TEX9: variants seen among roughly 807,000 people sequenced by gnomAD.
TEX9 encodes the protein testis-expressed protein 9.
Under a neutral mutation model 59.6 loss-of-function variants are expected in TEX9, and 74 were observed. That is an observed-to-expected ratio of 1.24 (90% confidence interval 1.03 to 1.51). The LOEUF (loss-of-function observed/expected upper bound fraction) is 1.51. Ranked by LOEUF, TEX9 falls within the 40% of genes most tolerant of loss-of-function variation. TEX9 has a pLI of 0.00. For synonymous variants in TEX9, 186 were observed against 152.2 expected, an observed-to-expected ratio of 1.22 and a Z score of -1.64; for missense variants, 522 against 447.8, an observed-to-expected ratio of 1.17 and a Z score of -1.49.
chr15:56,422,420 T>C (rs35361016), intron 10 of TEX9, among the ~76,000 whole-genome samples: 2 of 151,520 alleles, frequency 1.3e-5, no homozygotes, highest in African/African-American at 4.9e-5. Context: ...TCTTTTTGAA[T>C]TGCTTTTTTA....
chr15:56,436,289 A>T (rs901093216), intron 12 of TEX9, among the ~76,000 whole-genome samples: 1 of 152,250 alleles, frequency 6.6e-6, no homozygotes, highest in African/African-American at 2.4e-5. Flanking sequence ...ACTAGAACTC[A>T]GGATTAAGAA....
intron 1 of TEX9, among the ~76,000 whole-genome samples, chr15:56,259,882 T>C (rs1283236947): frequency 4.6e-5 from 7 of 152,182 alleles, no homozygotes; most frequent in African/African-American, 1.7e-4. Flanking sequence ...TCCATGAACA[T>C]GGTATATCTA....
At chr15:56,346,547 C>G (rs12440764) in intron 1 of TEX9, among the ~76,000 whole-genome samples, 6,699 of 152,288 alleles carry the variant, frequency 0.044, 225 homozygotes, top group Admixed American at 0.086. Context: ...TGTCCAAAGT[C>G]TTGAGTCTTC....
At chr15:56,406,978 C>T (rs1244407488) in intron 9 of TEX9, among the ~76,000 whole-genome samples, 2 of 151,952 alleles carry the variant, frequency 1.3e-5, no homozygotes, top group African/African-American at 4.8e-5. Context: ...CAAAATATTA[C>T]TTTCTTGTGG....
intron 1 of TEX9, among the ~76,000 whole-genome samples, chr15:56,287,348 A>G (rs1369626829): frequency 6.6e-6 from 1 of 152,130 alleles, no homozygotes; most frequent in African/African-American, 2.4e-5. Flanking sequence ...AGAAGACACA[A>G]GACTCCTGGG....
chr15:56,271,923 G>C (rs949170219), intron 1 of TEX9, among the ~76,000 whole-genome samples: 1 of 152,036 alleles, frequency 6.6e-6, no homozygotes, highest in Non-Finnish European at 1.5e-5. Context: ...GGCAGATCAC[G>C]AGGTCAGGAG....
chr15:56,373,866 A>G (rs562761812), intron 3 of TEX9, among the ~76,000 whole-genome samples: 17 of 152,182 alleles, frequency 1.1e-4, no homozygotes, highest in African/African-American at 3.4e-4. Flanking sequence ...CTTACTTTCT[A>G]TCCTCCCTAT....
intron 1 of TEX9, among the ~76,000 whole-genome samples, chr15:56,254,301 A>G (rs2044095152): frequency 6.6e-6 from 1 of 152,054 alleles, no homozygotes; most frequent in South Asian, 2.1e-4. Flanking sequence ...GGGATGCTAC[A>G]AGCTCAGAGA....
chr15:56,398,316 A>T (rs2048580562), intron 9 of TEX9: 1 of 137,832 alleles, frequency 7.3e-6, no homozygotes, highest in Non-Finnish European at 1.6e-5. Flanking sequence ...GAAATATGTT[A>T]TTAAAATTAA....
intron 1 of TEX9, among the ~76,000 whole-genome samples, chr15:56,346,464 C>T (rs2046472257): frequency 6.6e-6 from 1 of 152,120 alleles, no homozygotes; most frequent in South Asian, 2.1e-4. Context: ...ATGAGTCTAA[C>T]CTCTGCACAA....
intron 3 of TEX9, among the ~76,000 whole-genome samples, chr15:56,375,840 G>T (rs1297233088): frequency 2.4e-4 from 36 of 151,024 alleles, no homozygotes; most frequent in African/African-American, 8.5e-4. Flanking sequence ...AACAATGATA[G>T]ACTGGATTAA....
At chr15:56,258,750 T>A (rs758564202) in intron 1 of TEX9, among the ~76,000 whole-genome samples, 1 of 151,952 alleles carries the variant, frequency 6.6e-6, no homozygotes, top group Non-Finnish European at 1.5e-5. Flanking sequence ...TCTTTTCATG[T>A]GCTTATATTC....
chr15:56,359,329 A>C (rs547141514), intron 1 of TEX9, among the ~76,000 whole-genome samples: 67 of 152,240 alleles, frequency 4.4e-4, no homozygotes, highest in African/African-American at 1.5e-3. Context: ...TCATCATCTC[A>C]AACAGAAACT....
intron 10 of TEX9, among the ~76,000 whole-genome samples, chr15:56,420,538 C>G (rs763663288): frequency 6.6e-6 from 1 of 151,804 alleles, no homozygotes; most frequent in Non-Finnish European, 1.5e-5. Flanking sequence ...GAACTACTAA[C>G]CTCGTGATCT....
chr15:56,244,572 A>T (rs1424409832), intron 1 of TEX9, among the ~76,000 whole-genome samples: 1 of 126,608 alleles, frequency 7.9e-6, no homozygotes, highest in Non-Finnish European at 1.7e-5. Context: ...GTTCCCCTCC[A>T]CCTCCCCACC....
intron 1 of TEX9, among the ~76,000 whole-genome samples, chr15:56,248,498 G>T (rs1319272561): frequency 1.3e-5 from 2 of 152,178 alleles, no homozygotes; most frequent in Admixed American, 1.3e-4. Flanking sequence ...GGATTAGTGG[G>T]ATAAAGTTCA....
intron 1 of TEX9, among the ~76,000 whole-genome samples, chr15:56,327,153 A>G (rs1358004059): frequency 6.6e-6 from 1 of 152,218 alleles, no homozygotes; most frequent in Non-Finnish European, 1.5e-5. Flanking sequence ...TCATTCTATA[A>G]CATTAATTTG....
At chr15:56,410,459 T>G (rs1203073275) in intron 9 of TEX9, among the ~76,000 whole-genome samples, 5 of 152,010 alleles carry the variant, frequency 3.3e-5, no homozygotes, top group African/African-American at 1.2e-4. Flanking sequence ...TTTGATTTTC[T>G]TAGGTTTTTT....
At chr15:56,358,753 T>C (rs2046735176) in intron 1 of TEX9, among the ~76,000 whole-genome samples, 1 of 152,142 alleles carries the variant, frequency 6.6e-6, no homozygotes, top group Non-Finnish European at 1.5e-5. Flanking sequence ...CCCCACGTGT[T>C]AAGAGAGAGA....
Sources: gnomAD v4.1 joint callset for allele counts (sites outside exome capture counted in the v4.1 genomes callset) on GRCh38, gnomAD v4.1.1 for gene constraint, MANE v1.5 for transcripts, NCBI Gene and HGNC (gene_info 2026-07-23, HGNC 2026-07-21) for gene names.